The following CEMIP variants were observed in gnomAD, a reference collection of about 807,000 sequenced individuals.
The protein encoded by CEMIP is cell migration inducing hyaluronidase 1.
A neutral mutation model predicts 156.9 loss-of-function variants in CEMIP; 105 were observed. The ratio of observed to expected loss-of-function variants is 0.67; its 90% CI spans 0.57 to 0.79. CEMIP has a LOEUF of 0.79. Among genes scored for constraint, CEMIP ranks in the 30% least tolerant of loss-of-function variants. The pLI, the probability that CEMIP is intolerant of heterozygous loss-of-function variation, is 0.00. For synonymous variants in CEMIP, 676 were observed against 668.4 expected (o/e 1.01, Z -0.17); for missense variants, 1,457 against 1,769.4 (o/e 0.82, Z 3.17).
At chr15:80,813,211 C>T (rs933524154) in intron 1 of CEMIP, among the ~76,000 whole-genome samples, 3 of 152,138 alleles carry the variant, frequency 2.0e-5, no homozygotes, top group Non-Finnish European at 4.4e-5. Context: ...AATAGCACCT[C>T]CTTCAAAAGG....
chr15:80,936,172 C>G (rs1901113400), intron 23 of CEMIP, among the ~76,000 whole-genome samples: 1 of 152,192 alleles, frequency 6.6e-6, no homozygotes, highest in African/African-American at 2.4e-5. Context: ...TGTTGTGGCA[C>G]CACAAGGACT....
intron 1 of CEMIP, among the ~76,000 whole-genome samples, chr15:80,831,614 C>T (rs901643255): frequency 6.6e-6 from 1 of 151,952 alleles, no homozygotes; most frequent in South Asian, 2.1e-4. Flanking sequence ...CTGGGTCCCA[C>T]GTGGAGATAG....
At chr15:80,901,259 T>C (rs1899525135) in intron 12 of CEMIP, among the ~76,000 whole-genome samples, 1 of 152,160 alleles carries the variant, frequency 6.6e-6, no homozygotes, top group Non-Finnish European at 1.5e-5. Flanking sequence ...CACAACAACC[T>C]AATACAGTAG....
intron 1 of CEMIP, among the ~76,000 whole-genome samples, chr15:80,855,577 G>A (rs562072325): frequency 5.1e-4 from 78 of 151,504 alleles, no homozygotes; most frequent in African/African-American, 1.9e-3. Context: ...GCACGATCTC[G>A]GCTTACTGCA....
chr15:80,931,452 G>A (rs1204520204), intron 21 of CEMIP, among the ~76,000 whole-genome samples: 5 of 151,958 alleles, frequency 3.3e-5, no homozygotes, highest in Non-Finnish European at 5.9e-5. Flanking sequence ...ATATTGGCAC[G>A]CTCCAGTGGT....
Position 80,888,855 on chromosome 15 carries a change from CTG to C in CEMIP, c.964+61_964+62del, listed in dbSNP as rs1282235382. 3 of 1,362,178 alleles carry C rather than the reference CTG, an allele frequency of 2.2e-6. No individual in the cohort carries two copies. The African/African-American group carries it at 4.3e-5, about 19-fold the overall frequency. The allele number at this position is 1,362,178 out of a possible 1,614,324, so 84.4% of individuals were successfully genotyped here. On this transcript the variant is annotated intron_variant, in intron 9 of 29. Coordinates refer to ENST00000394685, the MANE Select transcript of CEMIP (RefSeq NM_001293298.2). The stretch of plus-strand genomic sequence containing the variant: ...CAGTGGGATAGAAGACCAGAAATCA[CTG>C]TCTTTGCAGAACTAGGATTTATCTC...
intron 28 of CEMIP, 45 bp downstream of exon 28, chr15:80,943,147 G>C: frequency 1.2e-6 from 2 of 1,609,196 alleles, no homozygotes; most frequent in Non-Finnish European, 1.7e-6. Flanking sequence ...TGGCACAGCA[G>C]ACCCCTGGGC....
intron 28 of CEMIP, among the ~76,000 whole-genome samples, chr15:80,943,704 G>C (rs932285554): frequency 6.6e-6 from 1 of 152,128 alleles, no homozygotes; most frequent in African/African-American, 2.4e-5. Flanking sequence ...TCTGCCTGCA[G>C]TACTGCTCGC....
chr15:80,849,849 C>G (rs1398976601), intron 1 of CEMIP, among the ~76,000 whole-genome samples: 1 of 152,170 alleles, frequency 6.6e-6, no homozygotes, highest in Admixed American at 6.5e-5. Flanking sequence ...GGCAGAGAGA[C>G]AGAGATGCTC....
intron 4 of CEMIP, 102 bp from the exon 5 acceptor site, chr15:80,879,614 C>T: frequency 3.6e-6 from 5 of 1,377,746 alleles, no homozygotes; most frequent in Non-Finnish European, 4.1e-6. Flanking sequence ...TTTTGCCTGC[C>T]CCGGTGAGAT....
At chr15:80,913,607 T>C (rs1047106789) in intron 14 of CEMIP, among the ~76,000 whole-genome samples, 1 of 125,466 alleles carries the variant, frequency 8.0e-6, no homozygotes, top group Admixed American at 7.8e-5. Flanking sequence ...AAAGGGTCTT[T>C]AGGAAGATTA....
intron 19 of CEMIP, among the ~76,000 whole-genome samples, chr15:80,927,451 G>A (rs1197050610): frequency 6.6e-6 from 1 of 152,170 alleles, no homozygotes; most frequent in Non-Finnish European, 1.5e-5. Flanking sequence ...AAACTAGATG[G>A]TGTCAATGCC....
Position 80,906,614 on chromosome 15 carries a change from T to C in CEMIP, c.1412-49T>C. 3 of 1,572,106 alleles carry C rather than the reference T, an allele frequency of 1.9e-6. No individual in the cohort carries two copies. Among genetic ancestry groups the C allele is most frequent in the African/African-American group, 2.7e-5 (2 of 74,354 alleles). On this transcript the variant is annotated intron_variant, in intron 12 of 29. Transcript: ENST00000394685. The surrounding 1 kb of genome is among the most constrained non-coding windows in gnomAD (Gnocchi z 4.3). Reference sequence around the variant, plus strand: ...CACCTGGCAGGGGCCCAGAACTCAGTGGGCATGCAGTACCTGCTGTTGTTT... The same window carrying C: ...CACCTGGCAGGGGCCCAGAACTCAGCGGGCATGCAGTACCTGCTGTTGTTT...
rs1896013534 is a variant in CEMIP at position 80,788,965 on chromosome 15, T to G, written c.-176+9351T>G. 3.3e-5 allele frequency among the ~76,000 whole-genome samples: 5 copies of G among 152,326 alleles called. No homozygotes were observed. In the South Asian group the frequency reaches 1.0e-3, roughly 32 times the overall value. On this transcript the variant is annotated intron_variant, in intron 1 of 29. Transcript: ENST00000394685. Reference sequence around the variant, plus strand: ...TTTGATATTTCATTCATCATGAAATTTTTGGTGCTAATTTTGGTTTTTAAA... The same window carrying G: ...TTTGATATTTCATTCATCATGAAATGTTTGGTGCTAATTTTGGTTTTTAAA...
chr15:80,850,546 G>A (rs1481837688), intron 1 of CEMIP, among the ~76,000 whole-genome samples: 2 of 152,184 alleles, frequency 1.3e-5, no homozygotes, highest in East Asian at 3.9e-4. Context: ...AAAGTGCTGG[G>A]ATTACAGGTG....
At chr15:80,883,851 C>T (rs1269355533) in intron 6 of CEMIP, among the ~76,000 whole-genome samples, 1 of 152,212 alleles carries the variant, frequency 6.6e-6, no homozygotes. Context: ...GAAAGGGGAA[C>T]ATCAAAAGGC....
intron 28 of CEMIP, 41 bp from the exon 29 acceptor site, chr15:80,946,924 T>C (rs1901579679): frequency 1.4e-6 from 2 of 1,398,802 alleles, no homozygotes; most frequent in African/African-American, 1.4e-5. Flanking sequence ...TTTCTCCAGT[T>C]TGCTCTCTCC....
At chr15:80,874,057 C>A in intron 3 of CEMIP, 84 bp downstream of exon 3, 2 of 1,314,238 alleles carry the variant, frequency 1.5e-6, no homozygotes, top group Non-Finnish European at 2.1e-6. Flanking sequence ...TTTGGGGGAG[C>A]CAGGAGAAGG....
chr15:80,850,894 C>T (rs1897701363), intron 1 of CEMIP, among the ~76,000 whole-genome samples: 1 of 152,202 alleles, frequency 6.6e-6, no homozygotes, highest in Non-Finnish European at 1.5e-5. Flanking sequence ...TTGGGGGAGG[C>T]AGGCTCAGGG....
Sources: gnomAD v4.1 joint callset for allele counts (sites outside exome capture counted in the v4.1 genomes callset) on GRCh38, gnomAD v4.1.1 for gene constraint, Gnocchi (gnomAD v3.1) non-coding constraint, MANE v1.5 for transcripts, NCBI Gene and HGNC (gene_info 2026-07-23, HGNC 2026-07-21) for gene names.